Variants in SKAP2 observed in about 807,000 individuals in gnomAD.
SKAP2 encodes src kinase associated phosphoprotein 2, also known as src kinase-associated phosphoprotein 2.
Under a neutral mutation model 54.9 loss-of-function variants are expected in SKAP2, and 28 were observed. The observed-to-expected ratio is 0.51, with a 90% CI of 0.38 to 0.70. The LOEUF is 0.70. Among genes scored for constraint, SKAP2 ranks in the 30% least tolerant of loss-of-function variants. The probability of loss-of-function intolerance (pLI) is 0.00; values close to 1 mark genes in which losing one functional copy is unlikely to be tolerated. For synonymous variants in SKAP2, 137 were observed against 134.3 expected (o/e 1.02, Z -0.14); for missense variants, 356 against 424.1 (o/e 0.84, Z 1.41).
Position 26,799,987 on chromosome 7 carries a change from G to A in SKAP2, c.307+44043C>T, listed in dbSNP as rs980777018. ...CAAAAAAAAAAAATTAGCCATTTGTGGTGGGGGGTGTCTGTAGTCCCAGCT... is the reference window on the plus strand; with the variant it reads ...CAAAAAAAAAAAATTAGCCATTTGTAGTGGGGGGTGTCTGTAGTCCCAGCT... On this transcript the variant is annotated intron_variant, in intron 4 of 12. Transcript: ENST00000345317. 3.0e-4 allele frequency among the ~76,000 whole-genome samples: 44 copies of A among 145,730 alleles called. 1 individual carries two copies. The highest frequency in any genetic ancestry group is 3.1e-5 in the Non-Finnish European group (2 of 65,032).
chr7:26,716,962 T>C (rs150615127), intron 9 of SKAP2, among the ~76,000 whole-genome samples: 1 of 152,304 alleles, frequency 6.6e-6, no homozygotes, highest in East Asian at 1.9e-4. Flanking sequence ...ACTGACACAT[T>C]TTGCCCATTT....
intron 9 of SKAP2, among the ~76,000 whole-genome samples, chr7:26,694,939 C>T (rs965016412): frequency 2.0e-5 from 3 of 151,890 alleles, no homozygotes; most frequent in African/African-American, 4.8e-5. Flanking sequence ...TGGGCATTTA[C>T]GGCTTACTAA....
chr7:26,752,835 C>CTTTA (rs1782714437), intron 4 of SKAP2, among the ~76,000 whole-genome samples: 1 of 152,086 alleles, frequency 6.6e-6, no homozygotes, highest in South Asian at 2.1e-4. Flanking sequence ...TAACTCAGTG[C>CTTTA]CAGGACAATT....
At chr7:26,826,451 T>C (rs1325217453) in intron 4 of SKAP2, among the ~76,000 whole-genome samples, 1 of 152,242 alleles carries the variant, frequency 6.6e-6, no homozygotes, top group Non-Finnish European at 1.5e-5. Flanking sequence ...CTTCCCTTTC[T>C]GCTTTGTGCT....
intron 4 of SKAP2, among the ~76,000 whole-genome samples, chr7:26,764,386 G>A (rs55649724): frequency 0.29 from 44,611 of 151,746 alleles, 6,793 homozygotes; most frequent in Non-Finnish European, 0.33. Flanking sequence ...CGTAAACTTC[G>A]TGTGCGTTCC....
chr7:26,717,542 AG>A (rs1436954286), intron 9 of SKAP2, among the ~76,000 whole-genome samples: 11 of 135,594 alleles, frequency 8.1e-5, no homozygotes, highest in Admixed American at 7.4e-5. Context: ...AAAAAAAAAA[AG>A]GGCCAGATGC....
intron 4 of SKAP2, among the ~76,000 whole-genome samples, chr7:26,830,427 G>GT (rs937581970): frequency 1.3e-5 from 2 of 151,884 alleles, no homozygotes; most frequent in Non-Finnish European, 2.9e-5. Flanking sequence ...AATAAAGTGA[G>GT]TAAAAAAAAA....
chr7:26,861,254 C>T (rs866623545), intron 1 of SKAP2, among the ~76,000 whole-genome samples: 5 of 151,726 alleles, frequency 3.3e-5, no homozygotes, highest in African/African-American at 9.7e-5. Flanking sequence ...TCACATAAAT[C>T]AAGATTATTC....
intron 4 of SKAP2, among the ~76,000 whole-genome samples, chr7:26,818,053 C>A (rs1784309198): frequency 6.6e-6 from 1 of 152,146 alleles, no homozygotes; most frequent in Non-Finnish European, 1.5e-5. Flanking sequence ...CATCAAGCTA[C>A]CACTGACTTT....
At chr7:26,732,745 G>C (rs1379384125) in intron 6 of SKAP2, among the ~76,000 whole-genome samples, 1 of 152,124 alleles carries the variant, frequency 6.6e-6, no homozygotes, top group Non-Finnish European at 1.5e-5. Context: ...TTCTCCTTTG[G>C]TTTATACAGC....
At chr7:26,747,046 A>T (rs1332263049) in intron 4 of SKAP2, among the ~76,000 whole-genome samples, 1 of 152,200 alleles carries the variant, frequency 6.6e-6, no homozygotes, top group South Asian at 2.1e-4. Flanking sequence ...TCTGTTTATC[A>T]GTATTTTTAG....
rs60207927 is a variant in SKAP2, at chr7:26,823,425, C to CAAAAA, written c.307+20600_307+20604dup. On this transcript the variant is annotated intron_variant, in intron 4 of 12. Transcript: ENST00000345317. ...TCGGCAACAGAGTGAGACTTTGTCT[C>CAAAAA]AAAAAAAAAAAAAAAAAAAACAAGC... is the stretch of plus-strand genomic sequence containing the variant. Among the ~76,000 whole-genome samples, 100 of 93,606 alleles carry CAAAAA rather than the reference C, an allele frequency of 1.1e-3. 1 individual carries two copies. The highest frequency in any genetic ancestry group is 2.0e-3 in the African/African-American group (45 of 22,172). 61.4% of individuals were successfully genotyped at this position (93,606 alleles called of 152,430 possible).
rs1299446705 is a variant in SKAP2 at position 26,800,875 on chromosome 7, A to C, written c.307+43155T>G. On this transcript the variant is annotated intron_variant, in intron 4 of 12. Transcript: ENST00000345317. ...AATAAAACATCTCCCAGTAAAGAAAAGCCCAGGACCTGATGGCTTCACTGC... is the reference window on the plus strand; with the variant it reads ...AATAAAACATCTCCCAGTAAAGAAACGCCCAGGACCTGATGGCTTCACTGC... Among the ~76,000 whole-genome samples, 3 of 152,208 alleles carry C rather than the reference A, an allele frequency of 2.0e-5. No homozygotes were observed. The East Asian group carries it at 5.8e-4, about 29-fold the overall frequency.
chr7:26,817,123 T>A (rs1028040270), intron 4 of SKAP2, among the ~76,000 whole-genome samples: 1 of 152,100 alleles, frequency 6.6e-6, no homozygotes, highest in African/African-American at 2.4e-5. Flanking sequence ...TTATTACACA[T>A]TCCCCCACCA....
At chr7:26,816,523 A>C (rs1784269620) in intron 4 of SKAP2, among the ~76,000 whole-genome samples, 1 of 152,094 alleles carries the variant, frequency 6.6e-6, no homozygotes, top group African/African-American at 2.4e-5. Flanking sequence ...GCTGTTTTAT[A>C]TTACTCTAGT....
intron 4 of SKAP2, among the ~76,000 whole-genome samples, chr7:26,814,263 T>G (rs1225677291): frequency 6.6e-6 from 1 of 152,184 alleles, no homozygotes; most frequent in Non-Finnish European, 1.5e-5. Flanking sequence ...GAATTCATTT[T>G]CTATAGCCCA....
At chr7:26,853,326 AC>A (rs1390192093) in intron 3 of SKAP2, among the ~76,000 whole-genome samples, 1 of 152,138 alleles carries the variant, frequency 6.6e-6, no homozygotes, top group East Asian at 1.9e-4. Flanking sequence ...AGGTTAACTA[AC>A]CTCATATTGT....
intron 9 of SKAP2, among the ~76,000 whole-genome samples, chr7:26,690,752 G>A (rs933601177): frequency 2.0e-5 from 3 of 152,134 alleles, no homozygotes; most frequent in Non-Finnish European, 4.4e-5. Context: ...CTTAAATCCA[G>A]TAAAGTAACA....
chr7:26,698,924 A>G (rs1342481474), intron 9 of SKAP2, among the ~76,000 whole-genome samples: 2 of 152,156 alleles, frequency 1.3e-5, no homozygotes, highest in Non-Finnish European at 2.9e-5. Context: ...GACTTTTCCA[A>G]TGAGATGGAT....
Sources: allele counts gnomAD v4.1 joint callset (sites outside exome capture counted in the v4.1 genomes callset), GRCh38; gene constraint gnomAD v4.1.1; transcripts MANE v1.5; gene names NCBI Gene and HGNC (gene_info 2026-07-23, HGNC 2026-07-21).